The following INTS3 variants were observed in gnomAD, a reference collection of about 807,000 sequenced individuals.
INTS3 encodes the protein SOSS complex subunit A.
A neutral mutation model predicts 146.3 loss-of-function variants in INTS3; 34 were observed. The observed-to-expected ratio is 0.23, with a 90% CI of 0.18 to 0.31. The LOEUF (loss-of-function observed/expected upper bound fraction) is 0.31. Among genes scored for constraint, INTS3 ranks in the 10% least tolerant of loss-of-function variants. The pLI, the probability that INTS3 is intolerant of heterozygous loss-of-function variation, is 1.00. For missense variants in INTS3, 757 were observed against 1,304.2 expected (o/e 0.58, Z 6.46); for synonymous variants, 475 against 494.9 (o/e 0.96, Z 0.53).
chr1:153,738,366 T>G (rs916814634), intron 1 of INTS3, among the ~76,000 whole-genome samples: 12 of 152,210 alleles, frequency 7.9e-5, no homozygotes, highest in African/African-American at 2.9e-4. Context: ...AGTGCTGGGA[T>G]TACAGGTGTG....
At chr1:153,739,730 A>G (rs957162684) in intron 1 of INTS3, among the ~76,000 whole-genome samples, 1 of 151,908 alleles carries the variant, frequency 6.6e-6, no homozygotes, top group African/African-American at 2.4e-5. Flanking sequence ...CAGCCTCCCA[A>G]AGTGCTGGGA....
At chr1:153,740,525 T>C (rs1489991589) in intron 1 of INTS3, 126 bp from the exon 2 acceptor site, 13 of 715,930 alleles carry the variant, frequency 1.8e-5, no homozygotes, top group Admixed American at 8.5e-5. Context: ...ATGGTGACTT[T>C]ATAAGTAAAC....
intron 1 of INTS3, among the ~76,000 whole-genome samples, chr1:153,731,981 C>T (rs1378483243): frequency 1.5e-5 from 2 of 137,102 alleles, no homozygotes; most frequent in African/African-American, 2.8e-5. Context: ...GATCTTGGCT[C>T]ACTGCAACCT....
At chr1:153,760,716 A>G (rs904178141) in intron 12 of INTS3, 111 bp from the exon 13 acceptor site, 17 of 861,820 alleles carry the variant, frequency 2.0e-5, no homozygotes, top group African/African-American at 1.7e-4. Flanking sequence ...CTCTGCAGCC[A>G]TACTCCCCAG....
At chr1:153,763,201 A>G (rs774899768) in intron 15 of INTS3, 32 bp from the exon 16 acceptor site, 1 of 1,614,082 alleles carries the variant, frequency 6.2e-7, no homozygotes, top group African/African-American at 1.3e-5. Context: ...CATCTGGGCA[A>G]ACTGACTTCT....
At position 153,742,343 on chromosome 1, in the gene INTS3, T is replaced by C. The variant is rs74918311; in HGVS notation, c.318+975T>C. ...ATCAAGATCCTTGAAGACAAATGAA[T>C]GTTTCCAGTTGGGTGGTTTTAAAGA... is the stretch of plus-strand genomic sequence containing the variant. On this transcript the variant is annotated intron_variant, in intron 3 of 29. Transcript: ENST00000318967. Among the ~76,000 whole-genome samples the C allele has an allele frequency of 3.7e-4, 56 of 152,356 alleles. 1 individual carries two copies. In the East Asian group the frequency reaches 0.011, roughly 29 times the overall value.
chr1:153,771,824 C>G lies in INTS3; in HGVS notation c.2581C>G (p.Leu861Val), dbSNP rs759277801. Reference protein sequence around the residue: ...KPSEEMVKMVLSRPCHPDDQF... With the variant: ...KPSEEMVKMVVSRPCHPDDQF... The stretch of plus-strand genomic sequence containing the variant: ...CAGCGAGGAGATGGTGAAGATGGTG[C>G]TGAGCCGGCCCTGCCATCCTGACGA... The change falls in exon 26 of 30, where the codon CTG (leucine) becomes GTG (valine). Residue 861 changes from leucine to valine, a missense_variant. Leu to Val is a conservative substitution (Grantham distance 32, BLOSUM62 1). This residue lies in a region of INTS3 where 116 missense variants were observed against 226.5 expected (regional missense o/e 0.51). Transcript: ENST00000318967. 5.6e-6 allele frequency: 9 copies of G among 1,613,812 alleles called. No homozygotes were observed. Among genetic ancestry groups the G allele is most frequent in the Non-Finnish European group, 3.4e-6 (4 of 1,179,854 alleles).
chr1:153,733,293 A>C (rs1396808204), intron 1 of INTS3, among the ~76,000 whole-genome samples: 1 of 118,458 alleles, frequency 8.4e-6, no homozygotes, highest in Admixed American at 1.2e-4. Flanking sequence ...GCTCACTGCA[A>C]CCTCCGCCCC....
Position 153,767,658 on chromosome 1 carries a change from C to T in INTS3, c.2091-16C>T, listed in dbSNP as rs778043275. 1.3e-6 allele frequency: 2 copies of T among 1,561,068 alleles called. No individual in the cohort carries two copies. The highest frequency in any genetic ancestry group is 1.2e-5 in the South Asian group (1 of 86,034). ...CTGGGGTCAGGCTGCTGGCTCAGGC[C>T]CAGCTGGTCTTGCAGCAAAGCCGCC... On this transcript the variant is annotated splice_polypyrimidine_tract_variant and intron_variant, in intron 20 of 29. Coordinates refer to ENST00000318967, the MANE Select transcript of INTS3 (RefSeq NM_023015.5).
In INTS3 at chr1:153,772,480, G is replaced by A. The variant is rs201739448; in HGVS notation, c.2821+40G>A. On this transcript the variant is annotated intron_variant, in intron 27 of 29. Coordinates refer to ENST00000318967, the MANE Select transcript of INTS3 (RefSeq NM_023015.5). The surrounding 1 kb of genome is among the most constrained non-coding windows in gnomAD (Gnocchi z 4.6). ...CTCGGCGTCCAGTGTAGACGGTGCTGCCCTGGCCCAGACTATGCCTGGAGC... is the reference window on the plus strand; with the variant it reads ...CTCGGCGTCCAGTGTAGACGGTGCTACCCTGGCCCAGACTATGCCTGGAGC... 1.5e-5 allele frequency: 24 copies of A among 1,614,028 alleles called. No individual in the cohort carries two copies. The Middle Eastern group carries it at 6.6e-4, about 44-fold the overall frequency.
chr1:153,768,127 C>T (rs1313589533), intron 21 of INTS3, among the ~76,000 whole-genome samples: 1 of 152,216 alleles, frequency 6.6e-6, no homozygotes, highest in Non-Finnish European at 1.5e-5. Context: ...ATCCCACAAA[C>T]CAGATCCATG....
intron 10 of INTS3, 27 bp from the exon 11 acceptor site, chr1:153,759,499 C>G (rs774621680): frequency 1.3e-6 from 2 of 1,497,208 alleles, no homozygotes; most frequent in East Asian, 4.5e-5. Context: ...TGAAACTAGC[C>G]CTCTGTTTCT....
At chr1:153,759,244 A>G (rs961678169) in intron 10 of INTS3, among the ~76,000 whole-genome samples, 1 of 151,420 alleles carries the variant, frequency 6.6e-6, no homozygotes. Context: ...ACTGCACTAC[A>G]GCCTGGGCAA....
intron 1 of INTS3, among the ~76,000 whole-genome samples, chr1:153,736,909 G>A (rs1251231262): frequency 6.6e-6 from 1 of 151,686 alleles, no homozygotes; most frequent in Non-Finnish European, 1.5e-5. Context: ...GACTACAGGC[G>A]CCTGCCACCA....
At chr1:153,769,519 C>A (rs963355145) in intron 22 of INTS3, among the ~76,000 whole-genome samples, 1 of 152,164 alleles carries the variant, frequency 6.6e-6, no homozygotes, top group African/African-American at 2.4e-5. Context: ...CAGGCTTAGA[C>A]CAAGGCTGTA....
chr1:153,757,506 G>A lies in INTS3; in HGVS notation c.958-66G>A, dbSNP rs949678616. 24 of 1,433,160 alleles carry A rather than the reference G, an allele frequency of 1.7e-5. No individual in the cohort carries two copies. Among genetic ancestry groups the A allele is most frequent in the Middle Eastern group, 1.9e-4 (1 of 5,260 alleles). The allele number at this position is 1,433,160 out of a possible 1,614,324, so 88.8% of individuals were successfully genotyped here. The stretch of plus-strand genomic sequence containing the variant: ...GCAAACCTAGAGTTAAGTGGTGCTC[G>A]TTTTCCTCTGGCCAAGGACCCCACA... On this transcript the variant is annotated intron_variant, in intron 9 of 29. Transcript: ENST00000318967. The surrounding 1 kb of genome is among the most constrained non-coding windows in gnomAD (Gnocchi z 4.0).
chr1:153,764,842 C>G, intron 19 of INTS3, 102 bp from the exon 20 acceptor site: 1 of 1,544,086 alleles, frequency 6.5e-7, no homozygotes, highest in South Asian at 1.1e-5. Flanking sequence ...GGGAGGAGGA[C>G]ATATGCTGTG....
rs187457797 is a variant in INTS3, at chr1:153,740,721, C to A, written c.221C>A (p.Ala74Asp). The A allele has an allele frequency of 6.2e-7, 1 of 1,611,964 alleles. No individual in the cohort carries two copies. Among genetic ancestry groups the A allele is most frequent in the East Asian group, 2.2e-5 (1 of 44,888 alleles). Reference protein sequence around the residue: ...AGVSEREANDALNAYVCKGLP... With the variant: ...AGVSEREANDDLNAYVCKGLP... ...GTCTCGGAGAGAGAAGCCAATGATG[C>A]CCTCAATGCGTATGTAAGTAGAATG... Residue 74 changes from alanine (A) to aspartate (D), a missense_variant, in exon 2 of 30, where the codon GCC (alanine) becomes GAC (aspartate). Ala to Asp is a moderately radical substitution (Grantham distance 126). This residue lies in a region of INTS3 where 160 missense variants were observed against 193.7 expected (regional missense o/e 0.83). Transcript: ENST00000318967.
chr1:153,734,603 G>T (rs753498866), intron 1 of INTS3, among the ~76,000 whole-genome samples: 1 of 152,196 alleles, frequency 6.6e-6, no homozygotes. Context: ...CAGAGCTCAC[G>T]GGAGCTAGGG....
Sources: allele counts gnomAD v4.1 joint callset (sites outside exome capture counted in the v4.1 genomes callset), GRCh38; gene constraint gnomAD v4.1.1; regional missense constraint gnomAD v4.1.1; non-coding constraint Gnocchi (gnomAD v3.1); transcripts MANE v1.5; gene names NCBI Gene and HGNC (gene_info 2026-07-23, HGNC 2026-07-21).